SNTG2: variants seen among roughly 807,000 people sequenced by gnomAD.
SNTG2 encodes the protein syntrophin gamma 2.
In SNTG2, 74 loss-of-function variants were observed where a neutral mutation model predicts 70.9. The ratio of observed to expected loss-of-function variants is 1.04; its 90% CI spans 0.86 to 1.27. SNTG2 has a LOEUF of 1.27. SNTG2 is among the 50% of genes most tolerant of loss of function. The probability of loss-of-function intolerance (pLI) is 0.00; values close to 1 mark genes in which losing one functional copy is unlikely to be tolerated. For missense variants in SNTG2, 717 were observed against 690.7 expected (o/e 1.04, Z -0.43); for synonymous variants, 278 against 273.8 (o/e 1.02, Z -0.15).
chr2:1,004,910 A>C (rs1572212195), intron 1 of SNTG2, among the ~76,000 whole-genome samples: 1 of 152,322 alleles, frequency 6.6e-6, no homozygotes, highest in East Asian at 1.9e-4. Context: ...AATTATGTAT[A>C]ATTGTCAAAA....
intron 4 of SNTG2, among the ~76,000 whole-genome samples, chr2:1,114,867 G>C (rs770992862): frequency 1.4e-4 from 21 of 151,874 alleles, no homozygotes; most frequent in Non-Finnish European, 2.6e-4. Context: ...AGTCCTTTGA[G>C]AAAAATGGTG....
chr2:1,267,210 T>A (rs1273273003), intron 13 of SNTG2, among the ~76,000 whole-genome samples, 155 bp from the exon 14 acceptor site: 2 of 152,240 alleles, frequency 1.3e-5, no homozygotes, highest in African/African-American at 4.8e-5. Flanking sequence ...CAGCTGTGCA[T>A]GAGAGGGCTC....
intron 16 of SNTG2, among the ~76,000 whole-genome samples, chr2:1,328,448 AAGAGTTCCTCTC>A (rs1176667228): frequency 6.6e-6 from 1 of 152,198 alleles, no homozygotes; most frequent in Non-Finnish European, 1.5e-5. Flanking sequence ...CGTGAGGAAA[AAGAGTTCCTCTC>A]CAAAAAAGAG....
chr2:1,316,711 C>A (rs35574555), intron 16 of SNTG2, among the ~76,000 whole-genome samples: 1 of 56,622 alleles, frequency 1.8e-5, no homozygotes, highest in African/African-American at 5.5e-5. Context: ...GGCCAGCATT[C>A]GAGAAGGTTG....
At chr2:1,297,783 T>C (rs190276018) in intron 14 of SNTG2, among the ~76,000 whole-genome samples, 4 of 152,232 alleles carry the variant, frequency 2.6e-5, no homozygotes, top group Non-Finnish European at 4.4e-5. Context: ...AGGGATCTTG[T>C]CCTCGTTCCA....
intron 1 of SNTG2, among the ~76,000 whole-genome samples, chr2:1,081,841 A>G (rs2148166039): frequency 6.6e-6 from 1 of 152,360 alleles, no homozygotes; most frequent in African/African-American, 2.4e-5. Context: ...CATTGGGTGC[A>G]GTTTTACTTA....
chr2:1,156,902 GAT>G (rs1669935222), intron 6 of SNTG2, among the ~76,000 whole-genome samples: 1 of 152,066 alleles, frequency 6.6e-6, no homozygotes, highest in Non-Finnish European at 1.5e-5. Flanking sequence ...ACGGTGATTG[GAT>G]GTGTGGCTGA....
chr2:1,053,906 C>T (rs1225263773), intron 1 of SNTG2, among the ~76,000 whole-genome samples: 1 of 151,852 alleles, frequency 6.6e-6, no homozygotes, highest in African/African-American at 2.4e-5. Flanking sequence ...CCCTCCCTCC[C>T]TTTGTCCCCT....
chr2:1,016,537 G>C (rs933048988), intron 1 of SNTG2, among the ~76,000 whole-genome samples: 4 of 144,856 alleles, frequency 2.8e-5, no homozygotes, highest in African/African-American at 7.3e-5. Flanking sequence ...CACCACGCCC[G>C]GCCGACAACT....
Position 950,880 on chromosome 2 carries a change from G to A in SNTG2, c.-117G>A, listed in dbSNP as rs112899553. ...GCGCCCCGGTGGAGCCCGAGCCGGA[G>A]CCGGCAGAGGGGCGCGGGCGCGGAC... On this transcript the variant is annotated 5_prime_UTR_variant, in exon 1 of 17. Transcript: ENST00000308624. The A allele has an allele frequency of 8.7e-4, 303 of 350,170 alleles. 1 individual carries two copies. The highest frequency in any genetic ancestry group is 1.3e-3 in the Non-Finnish European group (285 of 218,640). 21.7% of individuals were successfully genotyped at this position (350,170 alleles called of 1,614,324 possible). A position where few individuals can be genotyped will look rare whatever the true frequency, so the allele number is the denominator to read the frequency against.
rs1254946227 is a variant in SNTG2 at position 1,334,606 on chromosome 2, C to T, written c.1488+18231C>T. On this transcript the variant is annotated intron_variant, in intron 16 of 16. Coordinates refer to ENST00000308624, the MANE Select transcript of SNTG2 (RefSeq NM_018968.4). ...TACATATACTCCATGGAATATTACT[C>T]AACCATACAAAGGAACAAAATAATG... is the stretch of plus-strand genomic sequence containing the variant. Among the ~76,000 whole-genome samples, 5 of 152,250 alleles carry T rather than the reference C, an allele frequency of 3.3e-5. No individual in the cohort carries two copies. The South Asian group carries it at 6.3e-4, about 19-fold the overall frequency.
intron 8 of SNTG2, among the ~76,000 whole-genome samples, chr2:1,195,090 G>T (rs1212736564): frequency 6.6e-6 from 1 of 152,156 alleles, no homozygotes; most frequent in Non-Finnish European, 1.5e-5. Context: ...GTACTCCATG[G>T]TATATATGTG....
At chr2:1,250,356 C>T (rs934419986) in intron 12 of SNTG2, among the ~76,000 whole-genome samples, 3 of 152,162 alleles carry the variant, frequency 2.0e-5, no homozygotes, top group African/African-American at 7.2e-5. Context: ...GCAGCTCCTC[C>T]CTCCATCTCT....
Position 1,103,001 on chromosome 2 carries a change from C to T in SNTG2, c.325+4591C>T, listed in dbSNP as rs73908696. ...GATTGTACCGTTGAGGTGCGGCCTG[C>T]GTGCAGGATTCCACACCCTGGAGCC... On this transcript the variant is annotated intron_variant, in intron 4 of 16. Transcript: ENST00000308624. 6.2e-3 allele frequency among the ~76,000 whole-genome samples: 940 copies of T among 152,342 alleles called. 12 individuals carry two copies. Among genetic ancestry groups the T allele is most frequent in the African/African-American group, 0.021 (866 of 41,580 alleles).
chr2:1,132,788 G>A (rs1048734818), intron 4 of SNTG2, among the ~76,000 whole-genome samples: 4 of 152,098 alleles, frequency 2.6e-5, no homozygotes, highest in Non-Finnish European at 5.9e-5. Flanking sequence ...TAGAGGAAAC[G>A]CCCACTCACC....
chr2:1,261,560 T>TA lies in SNTG2; in HGVS notation c.1077+2122dup, dbSNP rs1678414552. The stretch of plus-strand genomic sequence containing the variant: ...TTGATTGCAGTCGTGAGAGAAATGA[T>TA]AAACAGCTTTCGTGCAGCATGGCAG... On this transcript the variant is annotated intron_variant, in intron 13 of 16. Coordinates refer to ENST00000308624, the MANE Select transcript of SNTG2 (RefSeq NM_018968.4). 2.6e-5 allele frequency among the ~76,000 whole-genome samples: 4 copies of TA among 152,160 alleles called. No homozygotes were observed. In the South Asian group the frequency reaches 8.3e-4, roughly 31 times the overall value.
intron 16 of SNTG2, among the ~76,000 whole-genome samples, chr2:1,347,819 C>A (rs908046243): frequency 6.6e-6 from 1 of 152,372 alleles, no homozygotes; most frequent in Admixed American, 6.5e-5. Context: ...TTGCCTGGGG[C>A]AGCTGTTTAA....
At chr2:1,240,788 G>T (rs1456484677) in intron 11 of SNTG2, among the ~76,000 whole-genome samples, 1 of 151,936 alleles carries the variant, frequency 6.6e-6, no homozygotes, top group Non-Finnish European at 1.5e-5. Context: ...AAGAATAAAT[G>T]GTTCTTCTAA....
chr2:1,297,406 T>C (rs990824442), intron 14 of SNTG2, among the ~76,000 whole-genome samples: 4 of 152,244 alleles, frequency 2.6e-5, no homozygotes, highest in African/African-American at 4.8e-5. Flanking sequence ...TGCTGCCTTG[T>C]GTCTATTGCA....
Sources: gnomAD v4.1 joint callset for allele counts (sites outside exome capture counted in the v4.1 genomes callset) on GRCh38, gnomAD v4.1.1 for gene constraint, MANE v1.5 for transcripts, NCBI Gene and HGNC (gene_info 2026-07-23, HGNC 2026-07-21) for gene names.